The following GPC6 variants were observed in gnomAD, a reference collection of about 807,000 sequenced individuals.
The protein encoded by GPC6 is glypican-6.
In GPC6, 14 loss-of-function variants were observed where a neutral mutation model predicts 55.2. The ratio of observed to expected loss-of-function variants is 0.25; its 90% CI spans 0.17 to 0.40. The LOEUF (loss-of-function observed/expected upper bound fraction) is 0.40, where lower values mean the gene tolerates loss of function less well. GPC6 is among the 10% of genes least tolerant of loss of function. The pLI is 1.00. For missense variants in GPC6, 641 were observed against 708.5 expected, an observed-to-expected ratio of 0.90 and a Z score of 1.08; for synonymous variants, 278 against 259.6, an observed-to-expected ratio of 1.07 and a Z score of -0.68.
chr13:93,403,200 A>G (rs1465113226), intron 1 of GPC6, among the ~76,000 whole-genome samples: 1 of 152,198 alleles, frequency 6.6e-6, no homozygotes, highest in Non-Finnish European at 1.5e-5. Context: ...AGATATTGAC[A>G]CTTTGGGCCT....
At chr13:94,022,476 C>T (rs1399924292) in intron 3 of GPC6, among the ~76,000 whole-genome samples, 1 of 151,938 alleles carries the variant, frequency 6.6e-6, no homozygotes, top group Non-Finnish European at 1.5e-5. Context: ...CTTCTTTATC[C>T]ATTCTTTCCA....
intron 1 of GPC6, among the ~76,000 whole-genome samples, chr13:93,465,005 A>G (rs934671045): frequency 6.6e-6 from 1 of 152,226 alleles, no homozygotes; most frequent in African/African-American, 2.4e-5. Flanking sequence ...TGAATTGTCA[A>G]TGAGAAGTAA....
intron 1 of GPC6, among the ~76,000 whole-genome samples, chr13:93,281,147 A>T (rs1030320159): frequency 6.6e-6 from 1 of 152,242 alleles, no homozygotes; most frequent in African/African-American, 2.4e-5. Context: ...TCCAGATTCT[A>T]CTATATCTGC....
At chr13:94,220,504 G>A (rs751532132) in intron 4 of GPC6, among the ~76,000 whole-genome samples, 3 of 152,020 alleles carry the variant, frequency 2.0e-5, no homozygotes, top group Non-Finnish European at 1.5e-5. Flanking sequence ...AAACAGAGCC[G>A]ATCTATTTTT....
chr13:93,611,397 G>C (rs1426936443), intron 2 of GPC6, among the ~76,000 whole-genome samples: 2 of 151,920 alleles, frequency 1.3e-5, no homozygotes, highest in Admixed American at 1.3e-4. Flanking sequence ...ATCACCTAAA[G>C]ATTAATAAAA....
chr13:93,967,777 G>A (rs1010082031), intron 3 of GPC6, among the ~76,000 whole-genome samples: 3 of 152,146 alleles, frequency 2.0e-5, no homozygotes, highest in Non-Finnish European at 1.5e-5. Context: ...TGAATGGTAT[G>A]TGTTCTAAAT....
intron 2 of GPC6, among the ~76,000 whole-genome samples, chr13:93,708,300 G>A (rs1012208865): frequency 7.2e-5 from 11 of 151,826 alleles, no homozygotes; most frequent in African/African-American, 2.7e-4. Context: ...AATTTTCAAT[G>A]TACTGGCATA....
intron 3 of GPC6, among the ~76,000 whole-genome samples, chr13:93,850,344 A>G (rs1287365130): frequency 6.6e-6 from 1 of 151,954 alleles, no homozygotes; most frequent in Non-Finnish European, 1.5e-5. Flanking sequence ...GTAGAGGCCA[A>G]TGAGGGCTAA....
chr13:93,851,222 G>A (rs763320556), intron 3 of GPC6, among the ~76,000 whole-genome samples: 14 of 151,832 alleles, frequency 9.2e-5, no homozygotes, highest in Non-Finnish European at 1.9e-4. Context: ...TGTTTTGCTG[G>A]CAGAGCCAGA....
chr13:94,247,646 A>G (rs1891235797), intron 4 of GPC6, among the ~76,000 whole-genome samples: 1 of 152,094 alleles, frequency 6.6e-6, no homozygotes, highest in African/African-American at 2.4e-5. Context: ...TGCAATGTAT[A>G]ACATTAATTG....
chr13:93,227,356 CGAGGA>C lies in GPC6; in HGVS notation c.-99_-95del. On this transcript the variant is annotated 5_prime_UTR_variant, in exon 1 of 9. Coordinates refer to ENST00000377047, the MANE Select transcript of GPC6 (RefSeq NM_005708.5). The surrounding 1 kb of genome is among the most constrained non-coding windows in gnomAD (Gnocchi z 4.3). The stretch of plus-strand genomic sequence containing the variant: ...AGAAGGGGGTGACGCTGGGCAGCGG[CGAGGA>C]GCGCGCCGCTGCCTCTGGCGGGCTT... 2.5e-6 allele frequency: 3 copies of C among 1,204,538 alleles called. No homozygotes were observed. The highest frequency in any genetic ancestry group is 3.6e-6 in the Non-Finnish European group (3 of 838,234). The allele number at this position is 1,204,538 out of a possible 1,614,324, so 74.6% of individuals were successfully genotyped here.
chr13:94,273,276 T>G (rs1343994798), intron 4 of GPC6, among the ~76,000 whole-genome samples: 1 of 152,048 alleles, frequency 6.6e-6, no homozygotes, highest in Non-Finnish European at 1.5e-5. Context: ...CATGCCTCTC[T>G]CCATGCTGTC....
chr13:93,719,992 T>A (rs1883395861), intron 2 of GPC6, among the ~76,000 whole-genome samples: 3 of 152,144 alleles, frequency 2.0e-5, no homozygotes, highest in Admixed American at 2.0e-4. Flanking sequence ...TGCCAGTATT[T>A]TATTGAGAAT....
chr13:94,280,050 C>A (rs1892329308), intron 4 of GPC6, among the ~76,000 whole-genome samples: 2 of 152,150 alleles, frequency 1.3e-5, no homozygotes, highest in Admixed American at 1.3e-4. Context: ...GTGTTAAAGT[C>A]TCCCACTATT....
At chr13:93,231,360 C>CTT (rs1566533348) in intron 1 of GPC6, among the ~76,000 whole-genome samples, 7 of 14,936 alleles carry the variant, frequency 4.7e-4, no homozygotes, top group South Asian at 4.4e-3. Context: ...TATATATATA[C>CTT]GTATATATAT....
chr13:93,459,201 G>C (rs1394878027), intron 1 of GPC6, among the ~76,000 whole-genome samples: 6 of 152,160 alleles, frequency 3.9e-5, no homozygotes, highest in Non-Finnish European at 5.9e-5. Flanking sequence ...TGGGACTACA[G>C]GCATGGGCCA....
intron 4 of GPC6, among the ~76,000 whole-genome samples, chr13:94,232,062 A>C (rs1241892891): frequency 6.6e-6 from 1 of 152,182 alleles, no homozygotes; most frequent in Non-Finnish European, 1.5e-5. Flanking sequence ...ATCCTTTAAA[A>C]CAACACCGAA....
At chr13:94,394,733 A>G (rs1566755089) in intron 7 of GPC6, among the ~76,000 whole-genome samples, 1 of 152,184 alleles carries the variant, frequency 6.6e-6, no homozygotes, top group Admixed American at 6.5e-5. Context: ...AGTTTTCACA[A>G]TGTCTCCAAA....
At chr13:94,188,516 G>A (rs554929296) in intron 4 of GPC6, among the ~76,000 whole-genome samples, 1 of 152,094 alleles carries the variant, frequency 6.6e-6, no homozygotes, top group Admixed American at 6.5e-5. Context: ...TTGAACTAAA[G>A]TTGAATAAAG....
Sources: gnomAD v4.1 joint callset for allele counts (sites outside exome capture counted in the v4.1 genomes callset) on GRCh38, gnomAD v4.1.1 for gene constraint, Gnocchi (gnomAD v3.1) non-coding constraint, MANE v1.5 for transcripts, NCBI Gene and HGNC (gene_info 2026-07-23, HGNC 2026-07-21) for gene names.